The following CCDC12 variants were observed in gnomAD, a reference collection of about 807,000 sequenced individuals.
The protein encoded by CCDC12 is coiled-coil domain-containing protein 12.
A neutral mutation model predicts 25.7 loss-of-function variants in CCDC12; 28 were observed. The ratio of observed to expected loss-of-function variants is 1.09; its 90% CI spans 0.81 to 1.50. CCDC12 has a LOEUF of 1.50. CCDC12 is among the 40% of genes most tolerant of loss of function. The probability of loss-of-function intolerance (pLI) is 0.00; values close to 1 mark genes in which losing one functional copy is unlikely to be tolerated. For missense variants in CCDC12, 198 were observed against 210.0 expected, an observed-to-expected ratio of 0.94 and a Z score of 0.35; for synonymous variants, 75 against 87.7, an observed-to-expected ratio of 0.86 and a Z score of 0.81.
In CCDC12 at chr3:46,934,316, C is replaced by T. The variant is rs147223338; in HGVS notation, c.164+6682G>A. Among the ~76,000 whole-genome samples the T allele has an allele frequency of 2.8e-3, 431 of 152,348 alleles. 3 individuals carry two copies. Among genetic ancestry groups the T allele is most frequent in the Non-Finnish European group, 2.9e-3 (199 of 68,034 alleles). On this transcript the variant is annotated intron_variant, in intron 2 of 6. Coordinates refer to ENST00000683445, the MANE Select transcript of CCDC12 (RefSeq NM_001277074.2). Reference sequence around the variant, plus strand: ...ATGGTGCTCAACCCCATAAGGCTGCCCTGAGTGGCAAACTGCCAGCAGCTG... The same window carrying T: ...ATGGTGCTCAACCCCATAAGGCTGCTCTGAGTGGCAAACTGCCAGCAGCTG...
At chr3:46,931,713 GC>G (rs1425720692) in intron 2 of CCDC12, among the ~76,000 whole-genome samples, 3 of 152,296 alleles carry the variant, frequency 2.0e-5, no homozygotes, top group East Asian at 1.9e-4. Context: ...GGCCATACAG[GC>G]CCCATCAAGG....
chr3:46,934,504 C>A (rs371589404), intron 2 of CCDC12, among the ~76,000 whole-genome samples: 5 of 152,284 alleles, frequency 3.3e-5, no homozygotes, highest in African/African-American at 1.2e-4. Context: ...TCACATTAGT[C>A]CCAGAACAGA....
intron 1 of CCDC12, among the ~76,000 whole-genome samples, chr3:46,942,389 G>A (rs1052702853): frequency 5.3e-5 from 8 of 152,246 alleles, no homozygotes; most frequent in African/African-American, 1.7e-4. Context: ...GACTCTCGCA[G>A]AGCAGTGTTC....
In CCDC12 at chr3:46,964,149, C is replaced by T. The variant is rs562197431; in HGVS notation, c.96+12488G>A. On this transcript the variant is annotated intron_variant, in intron 1 of 6. Coordinates refer to ENST00000683445, the MANE Select transcript of CCDC12 (RefSeq NM_001277074.2). ...GAGGAGCGTCTCTGCCCGGCCGCCC[C>T]GTCTGAGAAGTGAGGAGCCCCTCCG... is the stretch of plus-strand genomic sequence containing the variant. Among the ~76,000 whole-genome samples the T allele has an allele frequency of 7.0e-3, 1,057 of 150,788 alleles. 15 individuals carry two copies. Among genetic ancestry groups the T allele is most frequent in the African/African-American group, 0.024 (999 of 40,990 alleles).
intron 1 of CCDC12, among the ~76,000 whole-genome samples, chr3:46,954,281 G>A (rs2034219378): frequency 6.6e-6 from 1 of 152,232 alleles, no homozygotes; most frequent in Non-Finnish European, 1.5e-5. Flanking sequence ...CTGGCTGGTA[G>A]ATAGGATCCT....
At chr3:46,934,810 G>T (rs75407985) in intron 2 of CCDC12, among the ~76,000 whole-genome samples, 1 of 152,250 alleles carries the variant, frequency 6.6e-6, no homozygotes, top group Non-Finnish European at 1.5e-5. Flanking sequence ...CCATGACTGG[G>T]ACATCACCAG....
intron 1 of CCDC12, among the ~76,000 whole-genome samples, chr3:46,957,404 C>CT (rs1368215264): frequency 6.6e-6 from 1 of 152,010 alleles, no homozygotes; most frequent in African/African-American, 2.4e-5. Flanking sequence ...GGCTCTCTTT[C>CT]TTTTTAATTA....
intron 3 of CCDC12, 60 bp downstream of exon 3, chr3:46,925,396 T>C: frequency 7.1e-7 from 1 of 1,414,666 alleles, no homozygotes; most frequent in Non-Finnish European, 1.0e-6. Context: ...CAAAGCCTGC[T>C]GAGGTGGAGG....
intron 2 of CCDC12, among the ~76,000 whole-genome samples, chr3:46,937,852 T>C (rs183735450): frequency 7.9e-5 from 12 of 152,356 alleles, no homozygotes; most frequent in East Asian, 7.7e-4. Context: ...CTAAATAACC[T>C]GAGCAAGCCC....
chr3:46,968,246 T>C (rs2107195275), intron 1 of CCDC12, among the ~76,000 whole-genome samples: 1 of 152,290 alleles, frequency 6.6e-6, no homozygotes, highest in African/African-American at 2.4e-5. Context: ...TGCAAATCCA[T>C]TTTCTTCTTA....
At chr3:46,957,071 T>C (rs6442044) in intron 1 of CCDC12, among the ~76,000 whole-genome samples, 143,780 of 152,170 alleles carry the variant, frequency 0.94, 68,491 homozygotes, top group East Asian at 1. Context: ...CCCTGCCCCT[T>C]ACTACAGAAG....
intron 1 of CCDC12, among the ~76,000 whole-genome samples, chr3:46,975,843 T>C (rs2034964768): frequency 4.7e-4 from 1 of 2,140 alleles, no homozygotes; most frequent in Non-Finnish European, 1.9e-3. Context: ...TATTTTCGAT[T>C]TTTTTTTTTT....
At chr3:46,966,292 G>A (rs1055343112) in intron 1 of CCDC12, among the ~76,000 whole-genome samples, 2 of 152,266 alleles carry the variant, frequency 1.3e-5, no homozygotes, top group South Asian at 2.1e-4. Context: ...GCAGGGAGAC[G>A]ACTTGAGACC....
At chr3:46,925,381 G>T in intron 3 of CCDC12, 75 bp downstream of exon 3, 1 of 1,294,988 alleles carries the variant, frequency 7.7e-7, no homozygotes, top group Non-Finnish European at 1.1e-6. Flanking sequence ...GTTATTCTCA[G>T]AGAGCAAAGC....
chr3:46,964,391 G>A lies in CCDC12; in HGVS notation c.96+12246C>T, dbSNP rs1218078649. Among the ~76,000 whole-genome samples the A allele has an allele frequency of 8.0e-5, 12 of 150,524 alleles. No individual in the cohort carries two copies. The East Asian group carries it at 8.0e-4, about 10-fold the overall frequency. ...TGGGAGGTGGGGGGCGCTTCTGCCC[G>A]GCCGCCCCTTCTGGGAAGTGAGGAG... On this transcript the variant is annotated intron_variant, in intron 1 of 6. Coordinates refer to ENST00000683445, the MANE Select transcript of CCDC12 (RefSeq NM_001277074.2).
chr3:46,959,595 G>C (rs1320277162), intron 1 of CCDC12, among the ~76,000 whole-genome samples: 1 of 152,094 alleles, frequency 6.6e-6, no homozygotes, highest in Admixed American at 6.5e-5. Flanking sequence ...AGTGTCACCC[G>C]GAGGAAGCCC....
chr3:46,954,741 T>C (rs2034234475), intron 1 of CCDC12, among the ~76,000 whole-genome samples: 1 of 152,108 alleles, frequency 6.6e-6, no homozygotes, highest in South Asian at 2.1e-4. Context: ...CTGGCCAACA[T>C]GGTGAAACCC....
At chr3:46,925,407 G>A (rs1435048798) in intron 3 of CCDC12, 49 bp downstream of exon 3, 1 of 1,493,916 alleles carries the variant, frequency 6.7e-7, no homozygotes, top group Non-Finnish European at 9.3e-7. Context: ...GAGGTGGAGG[G>A]TGGCTGACAG....
chr3:46,925,365 C>T (rs1004570677), intron 3 of CCDC12, 91 bp downstream of exon 3: 1 of 1,088,910 alleles, frequency 9.2e-7, no homozygotes, highest in Non-Finnish European at 1.4e-6. Flanking sequence ...TGTCCTGGTA[C>T]TGCTGGTTAT....
Sources: allele counts gnomAD v4.1 joint callset (sites outside exome capture counted in the v4.1 genomes callset), GRCh38; gene constraint gnomAD v4.1.1; transcripts MANE v1.5; gene names NCBI Gene and HGNC (gene_info 2026-07-23, HGNC 2026-07-21).